MTUS1: variants seen among roughly 807,000 people sequenced by gnomAD.
MTUS1 encodes microtubule-associated tumor suppressor 1.
A neutral mutation model predicts 120.8 loss-of-function variants in MTUS1; 109 were observed. The observed-to-expected ratio is 0.90, with a 90% CI of 0.77 to 1.06. The LOEUF (loss-of-function observed/expected upper bound fraction) is 1.06, where lower values mean the gene tolerates loss of function less well. Among genes scored for constraint, MTUS1 ranks in the 50% least tolerant of loss-of-function variants. MTUS1 has a pLI of 0.00. For missense variants in MTUS1, 2,210 were observed against 1,486.3 expected, an observed-to-expected ratio of 1.49 and a Z score of -8.01; for synonymous variants, 737 against 550.5, an observed-to-expected ratio of 1.34 and a Z score of -4.74.
chr8:17,755,830 C>G lies in MTUS1; in HGVS notation c.-23G>C. The G allele has an allele frequency of 1.3e-6, 2 of 1,581,546 alleles. No individual in the cohort carries two copies. The highest frequency in any genetic ancestry group is 1.7e-6 in the Non-Finnish European group (2 of 1,165,338). ...CATCCTGAATAGTAACCTTAAACCT[C>G]TGCCATTTTATTTCTTCTTCAATTC... On this transcript the variant is annotated 5_prime_UTR_variant, in exon 2 of 15. Transcript: ENST00000693296.
intron 2 of MTUS1, among the ~76,000 whole-genome samples, chr8:17,749,453 G>C (rs1380195199): frequency 2.6e-5 from 4 of 151,970 alleles, no homozygotes; most frequent in Non-Finnish European, 5.9e-5. Flanking sequence ...GAGGCCAGGA[G>C]TTCGAGACCG....
chr8:17,696,380 G>A (rs950991644), intron 6 of MTUS1, among the ~76,000 whole-genome samples: 1 of 152,046 alleles, frequency 6.6e-6, no homozygotes, highest in African/African-American at 2.4e-5. Context: ...TAAGAAACAC[G>A]AGGGGTCACG....
chr8:17,669,887 A>G (rs4271001), intron 8 of MTUS1, among the ~76,000 whole-genome samples: 121,969 of 152,132 alleles, frequency 0.8, 48,984 homozygotes, highest in East Asian at 0.96. Flanking sequence ...GACACATGTC[A>G]GCCTGACTCT....
At chr8:17,668,190 A>G (rs1389526695) in intron 8 of MTUS1, among the ~76,000 whole-genome samples, 2 of 151,728 alleles carry the variant, frequency 1.3e-5, no homozygotes, top group African/African-American at 4.8e-5. Flanking sequence ...AAATTTGTAA[A>G]CTTTCTTAGA....
chr8:17,728,529 G>A (rs2046361001), intron 3 of MTUS1, among the ~76,000 whole-genome samples: 1 of 152,214 alleles, frequency 6.6e-6, no homozygotes, highest in Non-Finnish European at 1.5e-5. Flanking sequence ...CATATACAGA[G>A]CCAGAACCAC....
At position 17,753,819 on chromosome 8, in the gene MTUS1, G is replaced by A; in HGVS notation, c.1989C>T (p.Ser663=). ...TTTCTTTTTCACCCTTCTTTTCAGG[G>A]CTAATCCTATCAATGTTGGGAACAT... ...MTYVPNIDRI[S]PEKKGEKENG... is the part of the protein sequence containing the mutation. The change falls in exon 2 of 15, where the codon AGC becomes AGT. Residue 663 remains serine (S), a synonymous_variant. Transcript: ENST00000693296. 2 of 1,613,876 alleles carry A rather than the reference G, an allele frequency of 1.2e-6. No homozygotes were observed. Among genetic ancestry groups the A allele is most frequent in the Non-Finnish European group, 1.7e-6 (2 of 1,179,864 alleles).
rs1394213873 is a variant in MTUS1 at position 17,651,003 on chromosome 8, G to A, written c.3385-1041C>T. Among the ~76,000 whole-genome samples, 3 of 152,170 alleles carry A rather than the reference G, an allele frequency of 2.0e-5. No individual in the cohort carries two copies. In the East Asian group the frequency reaches 5.8e-4, roughly 29 times the overall value. On this transcript the variant is annotated intron_variant, in intron 12 of 14. Transcript: ENST00000693296. ...GGAGAATCCAGGAAGGGGCCTCGGG[G>A]ATTACTTAATCCAAACCCCTTACTT... is the stretch of plus-strand genomic sequence containing the variant.
intron 2 of MTUS1, among the ~76,000 whole-genome samples, chr8:17,748,407 C>T (rs529678191): frequency 6.6e-6 from 1 of 152,280 alleles, no homozygotes; most frequent in Admixed American, 6.5e-5. Context: ...TCTTCTTGGA[C>T]AGTGGACAAG....
chr8:17,681,180 C>T (rs34385185), intron 7 of MTUS1, among the ~76,000 whole-genome samples: 85,102 of 151,944 alleles, frequency 0.56, 24,855 homozygotes, highest in Middle Eastern at 0.7. Flanking sequence ...GTGATCCACC[C>T]GCCTTGGCCT....
intron 6 of MTUS1, among the ~76,000 whole-genome samples, chr8:17,694,107 A>T (rs1260440809): frequency 6.6e-6 from 1 of 152,172 alleles, no homozygotes; most frequent in African/African-American, 2.4e-5. Context: ...TGGTTTTTTA[A>T]ATAGAGACAG....
At chr8:17,669,845 T>A (rs1036349303) in intron 8 of MTUS1, among the ~76,000 whole-genome samples, 10 of 106,684 alleles carry the variant, frequency 9.4e-5, no homozygotes, top group African/African-American at 2.8e-4. Flanking sequence ...AAACTCCTTC[T>A]AAAAAACAAA....
At chr8:17,670,717 G>C (rs1036403322) in intron 8 of MTUS1, among the ~76,000 whole-genome samples, 2 of 152,084 alleles carry the variant, frequency 1.3e-5, no homozygotes, top group Admixed American at 1.3e-4. Context: ...CAGCTATTCG[G>C]GAGGCTGAGG....
intron 6 of MTUS1, among the ~76,000 whole-genome samples, chr8:17,706,964 GT>G (rs367726927): frequency 1.2e-4 from 19 of 152,246 alleles, no homozygotes; most frequent in African/African-American, 4.6e-4. Flanking sequence ...ATAATTAAAA[GT>G]GATTATTTTA....
chr8:17,800,571 G>C (rs1323398683), intron 1 of MTUS1: 1 of 152,174 alleles, frequency 6.6e-6, no homozygotes, highest in Non-Finnish European at 1.5e-5. Flanking sequence ...AGTCCACTAA[G>C]CACTATAGAG....
In MTUS1 at chr8:17,723,783, T is replaced by C; in HGVS notation, c.2338A>G (p.Arg780Gly). ...GATGCTTTGGATTTAGGAAGTGGTC[T>C]AGGCAAATTCACCCATGACGACTGT... Reference protein sequence around the residue: ...TAQSSWVNLPRPLPKSKASLK... With the variant: ...TAQSSWVNLPGPLPKSKASLK... The change falls in exon 4 of 15, where the codon AGA becomes GGA. Residue 780 changes from arginine (R) to glycine (G), a missense_variant. By Grantham distance (125) the Arg-to-Gly change is moderately radical (BLOSUM62 -2). Coordinates refer to ENST00000693296, the MANE Select transcript of MTUS1 (RefSeq NM_001363059.2). The C allele has an allele frequency of 6.2e-7, 1 of 1,609,554 alleles. No homozygotes were observed. Among genetic ancestry groups the C allele is most frequent in the Non-Finnish European group, 8.5e-7 (1 of 1,177,198 alleles).
At chr8:17,653,070 G>C (rs1807375776) in intron 12 of MTUS1, 116 bp downstream of exon 12, 1 of 634,670 alleles carries the variant, frequency 1.6e-6, no homozygotes, top group East Asian at 3.1e-5. Context: ...CACATTGCCA[G>C]ACATGAGAAG....
intron 8 of MTUS1, among the ~76,000 whole-genome samples, chr8:17,662,349 A>ATTTTT (rs35308070): frequency 0.051 from 5,743 of 112,330 alleles, 263 homozygotes; most frequent in Non-Finnish European, 0.067. Context: ...TTTTGTCCCT[A>ATTTTT]TTTTTTTTTT....
intron 13 of MTUS1, chr8:17,647,354 T>G (rs978642047): frequency 3.2e-6 from 1 of 310,298 alleles, no homozygotes; most frequent in Admixed American, 4.8e-5. Context: ...TTTGGAATTC[T>G]CTAAGAATTG....
intron 12 of MTUS1, among the ~76,000 whole-genome samples, chr8:17,651,384 C>T (rs1806955435): frequency 6.6e-6 from 1 of 152,020 alleles, no homozygotes; most frequent in South Asian, 2.1e-4. Flanking sequence ...ATAATGATGA[C>T]GGATACCCTA....
Sources: allele counts gnomAD v4.1 joint callset (sites outside exome capture counted in the v4.1 genomes callset), GRCh38; gene constraint gnomAD v4.1.1; transcripts MANE v1.5; gene names NCBI Gene and HGNC (gene_info 2026-07-23, HGNC 2026-07-21).